Variants in GTF2I observed in about 807,000 individuals in gnomAD.
The protein encoded by GTF2I is general transcription factor II-I.
GTF2I carries 12 observed loss-of-function variants against 67.6 expected under a neutral mutation model. The observed-to-expected ratio is 0.18, with a 90% confidence interval of 0.11 to 0.29. The LOEUF (loss-of-function observed/expected upper bound fraction) is 0.29, where lower values mean the gene tolerates loss of function less well. Ranked by LOEUF, GTF2I falls within the 10% of genes least tolerant of loss-of-function variation. The pLI is 1.00. For synonymous variants in GTF2I, 149 were observed against 197.0 expected (o/e 0.76, Z 2.04); for missense variants, 271 against 580.1 (o/e 0.47, Z 5.47).
intron 6 of GTF2I, among the ~76,000 whole-genome samples, chr7:74,702,721 T>TTTTC (rs1322600884): frequency 1.3e-5 from 2 of 151,880 alleles, no homozygotes; most frequent in African/African-American, 4.8e-5. Flanking sequence ...GTGTTTTTAC[T>TTTTC]TTTCTTTCTT....
At chr7:74,693,928 C>T (rs587773678) in intron 3 of GTF2I, among the ~76,000 whole-genome samples, 1 of 152,246 alleles carries the variant, frequency 6.6e-6, no homozygotes, top group South Asian at 2.1e-4. Context: ...TTGCAGGCTG[C>T]TCACTTTACA....
chr7:74,728,307 CA>C (rs1446551019), intron 12 of GTF2I, among the ~76,000 whole-genome samples: 1 of 149,606 alleles, frequency 6.7e-6, no homozygotes, highest in Admixed American at 6.6e-5. Context: ...GTCTCAAAAA[CA>C]AAAACAAAAA....
chr7:74,658,400 A>G (rs1178850439), intron 1 of GTF2I, among the ~76,000 whole-genome samples: 1 of 141,536 alleles, frequency 7.1e-6, no homozygotes, highest in African/African-American at 2.6e-5. Flanking sequence ...GCGCGCGCCG[A>G]CCGGCGTGCG....
chr7:74,674,863 T>C (rs1805761792), intron 1 of GTF2I, among the ~76,000 whole-genome samples: 1 of 147,622 alleles, frequency 6.8e-6, no homozygotes, highest in Non-Finnish European at 1.5e-5. Context: ...TATATATATA[T>C]ATTTTTTTGA....
intron 7 of GTF2I, among the ~76,000 whole-genome samples, chr7:74,705,621 G>A (rs1186953221): frequency 1.3e-5 from 2 of 150,234 alleles, no homozygotes; most frequent in Non-Finnish European, 2.9e-5. Context: ...GAAGTGGCGC[G>A]ATCTCGGCTC....
At chr7:74,700,052 T>C in intron 4 of GTF2I, 195 bp from the exon 5 acceptor site, 1 of 557,162 alleles carries the variant, frequency 1.8e-6, no homozygotes, top group South Asian at 2.8e-5. Flanking sequence ...ACTTTTCATT[T>C]TGGCCCTTCG....
At chr7:74,674,215 G>GTGTACCA (rs1198379154) in intron 1 of GTF2I, among the ~76,000 whole-genome samples, 5 of 151,524 alleles carry the variant, frequency 3.3e-5, no homozygotes, top group African/African-American at 1.2e-4. Context: ...GACAACAGGC[G>GTGTACCA]TGTACCACAC....
At chr7:74,718,708 C>T (rs1792566096) in intron 11 of GTF2I, among the ~76,000 whole-genome samples, 171 bp from the exon 12 acceptor site, 1 of 151,874 alleles carries the variant, frequency 6.6e-6, no homozygotes, top group African/African-American at 2.4e-5. Flanking sequence ...TTCTTTTATC[C>T]CTATTTATAA....
chr7:74,667,704 A>G (rs934492144), intron 1 of GTF2I, among the ~76,000 whole-genome samples: 7 of 150,222 alleles, frequency 4.7e-5, no homozygotes, highest in African/African-American at 1.7e-4. Context: ...TTTTGTGGAG[A>G]TGGGGGTCTC....
intron 1 of GTF2I, among the ~76,000 whole-genome samples, chr7:74,685,269 G>A (rs587607222): frequency 6.6e-6 from 1 of 152,352 alleles, no homozygotes; most frequent in Admixed American, 6.5e-5. Flanking sequence ...GCCAAGATGG[G>A]TGGATTACTT....
chr7:74,732,125 A>G (rs1637168), intron 14 of GTF2I, among the ~76,000 whole-genome samples: 137 of 142,336 alleles, frequency 9.6e-4, no homozygotes, highest in South Asian at 8.6e-4. Context: ...ATATGTATAT[A>G]TACATATACA....
At chr7:74,714,952 CT>C in intron 10 of GTF2I, 36 bp downstream of exon 10, 1 of 1,303,724 alleles carries the variant, frequency 7.7e-7, no homozygotes, top group Middle Eastern at 1.9e-4. Context: ...CCACATACTG[CT>C]TGTGTTTAAT....
chr7:74,730,767 T>G (rs1461891898), intron 14 of GTF2I, among the ~76,000 whole-genome samples: 1 of 127,662 alleles, frequency 7.8e-6, no homozygotes, highest in Non-Finnish European at 1.6e-5. Flanking sequence ...ATTGCAGTAG[T>G]ACAATCTCGG....
chr7:74,701,420 G>T (rs1554399852), intron 6 of GTF2I, among the ~76,000 whole-genome samples: 1 of 151,872 alleles, frequency 6.6e-6, no homozygotes, highest in African/African-American at 2.4e-5. Context: ...TAATTTTTTA[G>T]CAGCTTTATT....
chr7:74,661,799 TAA>T (rs1192270989), intron 1 of GTF2I, among the ~76,000 whole-genome samples: 1 of 152,200 alleles, frequency 6.6e-6, no homozygotes. Context: ...TTAGAAAAGT[TAA>T]AAGTTTCATA....
chr7:74,709,393 C>T (rs192914858), intron 8 of GTF2I, among the ~76,000 whole-genome samples: 98 of 152,228 alleles, frequency 6.4e-4, no homozygotes, highest in African/African-American at 2.2e-3. Context: ...GGATTACAGA[C>T]GTGTGCCACC....
chr7:74,659,340 G>T (rs1554385342), intron 1 of GTF2I, among the ~76,000 whole-genome samples: 1 of 151,918 alleles, frequency 6.6e-6, no homozygotes, highest in South Asian at 2.1e-4. Flanking sequence ...CGATCCTCCT[G>T]CCTCAGCCTC....
chr7:74,723,852 GGGA>G (rs1793426643), intron 12 of GTF2I, among the ~76,000 whole-genome samples: 1 of 150,588 alleles, frequency 6.6e-6, no homozygotes, highest in African/African-American at 2.4e-5. Flanking sequence ...TGAGAAAAGG[GGGA>G]AAAAAAAAAA....
chr7:74,702,588 G>T (rs587755017), intron 6 of GTF2I, among the ~76,000 whole-genome samples: 1 of 152,282 alleles, frequency 6.6e-6, no homozygotes, highest in Admixed American at 6.5e-5. Flanking sequence ...TATTCTCACA[G>T]CAGGATAGGA....
Sources: gnomAD v4.1 joint callset for allele counts (sites outside exome capture counted in the v4.1 genomes callset) on GRCh38, gnomAD v4.1.1 for gene constraint, MANE v1.5 for transcripts, NCBI Gene and HGNC (gene_info 2026-07-23, HGNC 2026-07-21) for gene names.